The following EMG1 variants were observed in gnomAD, a reference collection of about 807,000 sequenced individuals.
The protein encoded by EMG1 is ribosomal RNA small subunit methyltransferase NEP1.
EMG1 carries 24 observed loss-of-function variants against 26.9 expected under a neutral mutation model. That is an observed-to-expected ratio of 0.89 (90% CI 0.65 to 1.26). EMG1 has a LOEUF of 1.26. EMG1 is among the 50% of genes most tolerant of loss of function. The pLI is 0.00. For missense variants in EMG1, 299 were observed against 307.6 expected (o/e 0.97, Z 0.21); for synonymous variants, 140 against 112.6 (o/e 1.24, Z -1.54).
intron 6 of EMG1, among the ~76,000 whole-genome samples, chr12:6,985,793 G>A (rs1946519893): frequency 6.7e-6 from 1 of 149,730 alleles, no homozygotes; most frequent in Non-Finnish European, 1.5e-5. Context: ...TTTTGAGATG[G>A]AGTTTAGCTG....
At chr12:6,989,010 C>T (rs1555155127), downstream of EMG1, among the ~76,000 whole-genome samples, 1 of 151,820 alleles carries the variant, frequency 6.6e-6, no homozygotes, top group Non-Finnish European at 1.5e-5. Flanking sequence ...CCTGTAATCC[C>T]AGCTACTCGG....
Position 6,973,832 on chromosome 12 carries a change from A to G in EMG1, c.169-507A>G, listed in dbSNP as rs782711698. On this transcript the variant is annotated intron_variant, in intron 1 of 5. Transcript: ENST00000599672. Reference sequence around the variant, plus strand: ...GCTGGGATTACAGGCGTGAGCCACCACGCCCGGCCTTCACATTTCTTGTTC... The same window carrying G: ...GCTGGGATTACAGGCGTGAGCCACCGCGCCCGGCCTTCACATTTCTTGTTC... Among the ~76,000 whole-genome samples, 15 of 152,310 alleles carry G rather than the reference A, an allele frequency of 9.8e-5. No homozygotes were observed. The South Asian group carries it at 1.2e-3, about 13-fold the overall frequency.
Position 6,975,891 on chromosome 12 carries a change from A to T in EMG1, c.*82A>T. 1.2e-6 allele frequency: 1 copy of T among 834,040 alleles called. No individual in the cohort carries two copies. The highest frequency in any genetic ancestry group is 1.8e-5 in the Admixed American group (1 of 54,380). 51.7% of individuals were successfully genotyped at this position (834,040 alleles called of 1,614,324 possible). ...GGTCTGAGCTGACTGCTGGAAGATG[A>T]TCTTTCTGCACTGAGACTGTGGAGT... On this transcript the variant is annotated 3_prime_UTR_variant, in exon 6 of 6. Transcript: ENST00000599672.
At chr12:6,974,941 C>A in intron 3 of EMG1, 149 bp from the exon 4 acceptor site, 1 of 890,992 alleles carries the variant, frequency 1.1e-6, no homozygotes, top group Non-Finnish European at 1.8e-6. Flanking sequence ...ATATGCTTGG[C>A]AACTGTTTGT....
At chr12:6,981,492 G>A, downstream of EMG1, 1 of 1,147,652 alleles carries the variant, frequency 8.7e-7, no homozygotes, top group South Asian at 1.2e-5. Flanking sequence ...TGGGGAATGA[G>A]GGAGAGGCTC....
chr12:6,986,427 T>C (rs1216117548), intron 6 of EMG1, among the ~76,000 whole-genome samples: 2 of 152,320 alleles, frequency 1.3e-5, no homozygotes, highest in Admixed American at 6.5e-5. Flanking sequence ...ACAAAATATA[T>C]GTTAATCAAC....
downstream of EMG1, chr12:6,982,797 A>G (rs146701699): frequency 2.8e-4 from 445 of 1,568,656 alleles, no homozygotes; most frequent in Non-Finnish European, 2.5e-4. Flanking sequence ...ATGCAAGAAG[A>G]GAGAATTTAG....
chr12:6,990,910 C>A (rs1946583291), downstream of EMG1, among the ~76,000 whole-genome samples: 1 of 104,526 alleles, frequency 9.6e-6, no homozygotes, highest in South Asian at 2.6e-4. Flanking sequence ...GAGCGAGACT[C>A]CAAATCAAAA....
At chr12:6,988,783 T>C (rs782650284), downstream of EMG1, among the ~76,000 whole-genome samples, 2 of 152,168 alleles carry the variant, frequency 1.3e-5, no homozygotes, top group Non-Finnish European at 2.9e-5. Context: ...TTGGGGTTGA[T>C]GCCTTACCTT....
chr12:6,987,421 T>A lies in EMG1; in HGVS notation c.*155-361T>A, dbSNP rs782749162. On this transcript the variant is annotated intron_variant and NMD_transcript_variant, in intron 6 of 7. Coordinates refer to the EMG1 transcript ENST00000261406. This position sits in a 1 kb window ranked among gnomAD's most constrained non-coding sequence, Gnocchi z 4.1. ...TCTATGACCCTTTCAGGTAGATCAATGAGCAAGGAAATAGGATCAAGTCTC... is the reference window on the plus strand; with the variant it reads ...TCTATGACCCTTTCAGGTAGATCAAAGAGCAAGGAAATAGGATCAAGTCTC... Among the ~76,000 whole-genome samples, 293 of 152,292 alleles carry A rather than the reference T, an allele frequency of 1.9e-3. 1 individual carries two copies. Among genetic ancestry groups the A allele is most frequent in the African/African-American group, 6.5e-3 (272 of 41,558 alleles).
In EMG1 at chr12:6,976,871, C is replaced by T. The variant is rs1423896757; in HGVS notation, c.*1062C>T. ...TGAAAAGGGAGACGAGTAGTTTCTGCACCAGTCCCGCACAGGCCACCTGCA... is the reference window on the plus strand; with the variant it reads ...TGAAAAGGGAGACGAGTAGTTTCTGTACCAGTCCCGCACAGGCCACCTGCA... On this transcript the variant is annotated 3_prime_UTR_variant, in exon 6 of 6. Transcript: ENST00000599672. 8.5e-6 allele frequency: 3 copies of T among 353,460 alleles called. No homozygotes were observed. Among genetic ancestry groups the T allele is most frequent in the Non-Finnish European group, 1.6e-5 (3 of 188,300 alleles). 21.9% of individuals were successfully genotyped at this position (353,460 alleles called of 1,614,324 possible).
At chr12:6,985,550 C>G (rs1438733367) in intron 6 of EMG1, among the ~76,000 whole-genome samples, 2 of 141,780 alleles carry the variant, frequency 1.4e-5, no homozygotes, top group Non-Finnish European at 3.1e-5. Context: ...CCCATCTCTA[C>G]CAAAAATATA....
At position 6,970,921 on chromosome 12, in the gene EMG1, A is replaced by G. The variant is rs782273494; in HGVS notation, c.-3A>G. ...TTAGCGCAACTTCCGGTATTGTTGC[A>G]AGATGGCCGCGCCCAGTGATGGATT... On this transcript the variant is annotated 5_prime_UTR_variant, in exon 1 of 6. Coordinates refer to ENST00000599672, the MANE Select transcript of EMG1 (RefSeq NM_006331.8). 29 of 1,611,976 alleles carry G rather than the reference A, an allele frequency of 1.8e-5. No individual in the cohort carries two copies. Among genetic ancestry groups the G allele is most frequent in the Non-Finnish European group, 2.3e-5 (27 of 1,179,050 alleles).
downstream of EMG1, chr12:6,981,732 G>C: frequency 7.2e-7 from 1 of 1,382,932 alleles, no homozygotes; most frequent in Non-Finnish European, 1.0e-6. Context: ...GGGGGGCGGA[G>C]GGGGGGTGCC....
At chr12:6,990,526 AAAATAAATAAATAAATAAAT>A (rs59048377), downstream of EMG1, among the ~76,000 whole-genome samples, 2 of 144,404 alleles carry the variant, frequency 1.4e-5, no homozygotes, top group Admixed American at 1.4e-4. Flanking sequence ...AAATTAAAAT[AAAATAAATAAATAAATAAAT>A]AAATAAATAA....
At chr12:6,986,914 G>A (rs1946532919) in intron 6 of EMG1, among the ~76,000 whole-genome samples, 1 of 151,748 alleles carries the variant, frequency 6.6e-6, no homozygotes, top group Non-Finnish European at 1.5e-5. Context: ...AGGAGTTTGA[G>A]ACGAGCCTGG....
downstream of EMG1, among the ~76,000 whole-genome samples, chr12:6,992,281 T>C (rs1371821840): frequency 2.0e-5 from 3 of 151,614 alleles, no homozygotes; most frequent in African/African-American, 7.3e-5. Context: ...GGCAGTGAGC[T>C]GTGATGCCCC....
chr12:6,987,757 T>C lies in EMG1; in HGVS notation c.*155-25T>C. The C allele has an allele frequency of 2.5e-6, 1 of 400,754 alleles. No homozygotes were observed. Among genetic ancestry groups the C allele is most frequent in the Admixed American group, 4.4e-5 (1 of 22,744 alleles). The allele number at this position is 400,754 out of a possible 1,614,324, so 24.8% of individuals were successfully genotyped here. ...ACACATATTACTCTGCCTCTTTAAG[T>C]TGAATCTAATTTAACATTTTCTAGG... On this transcript the variant is annotated intron_variant and NMD_transcript_variant, in intron 6 of 7. Coordinates refer to the EMG1 transcript ENST00000261406. The surrounding 1 kb of genome is among the most constrained non-coding windows in gnomAD (Gnocchi z 4.1).
At position 6,973,822 on chromosome 12, in the gene EMG1, G is replaced by A. The variant is rs980411778; in HGVS notation, c.169-517G>A. On this transcript the variant is annotated intron_variant, in intron 1 of 5. Coordinates refer to ENST00000599672, the MANE Select transcript of EMG1 (RefSeq NM_006331.8). ...CTCCCAAAGTGCTGGGATTACAGGCGTGAGCCACCACGCCCGGCCTTCACA... is the reference window on the plus strand; with the variant it reads ...CTCCCAAAGTGCTGGGATTACAGGCATGAGCCACCACGCCCGGCCTTCACA... 3.3e-5 allele frequency among the ~76,000 whole-genome samples: 5 copies of A among 152,342 alleles called. No individual in the cohort carries two copies. In the South Asian group the frequency reaches 1.0e-3, roughly 32 times the overall value.
Sources: gnomAD v4.1 joint callset for allele counts (sites outside exome capture counted in the v4.1 genomes callset) on GRCh38, gnomAD v4.1.1 for gene constraint, Gnocchi (gnomAD v3.1) non-coding constraint, MANE v1.5 for transcripts, NCBI Gene and HGNC (gene_info 2026-07-23, HGNC 2026-07-21) for gene names.